The following DNAI4 variants were observed in gnomAD, a reference collection of about 807,000 sequenced individuals.
DNAI4 encodes the protein WD repeat domain 78.
A neutral mutation model predicts 105.8 loss-of-function variants in DNAI4; 85 were observed. The ratio of observed to expected loss-of-function variants is 0.80; its 90% confidence interval spans 0.67 to 0.96. The LOEUF is 0.96. Among genes scored for constraint, DNAI4 ranks in the 40% least tolerant of loss-of-function variants. DNAI4 has a pLI of 0.00. For missense variants in DNAI4, 1,014 were observed against 1,005.6 expected, an observed-to-expected ratio of 1.01 and a Z score of -0.11; for synonymous variants, 352 against 331.5, an observed-to-expected ratio of 1.06 and a Z score of -0.67.
intron 3 of DNAI4, among the ~76,000 whole-genome samples, chr1:66,891,872 T>C (rs1156476024): frequency 6.6e-6 from 1 of 152,216 alleles, no homozygotes; most frequent in Non-Finnish European, 1.5e-5. Flanking sequence ...CCCAGCATAT[T>C]CATCTTCATT....
intron 16 of DNAI4, among the ~76,000 whole-genome samples, chr1:66,819,830 C>T (rs1052719379): frequency 3.9e-5 from 6 of 152,088 alleles, no homozygotes; most frequent in African/African-American, 1.4e-4. Flanking sequence ...CACTCCCAAC[C>T]ACCGCAAATT....
At chr1:66,894,295 C>T (rs1648123638) in intron 2 of DNAI4, among the ~76,000 whole-genome samples, 1 of 152,092 alleles carries the variant, frequency 6.6e-6, no homozygotes, top group African/African-American at 2.4e-5. Flanking sequence ...TACAGTTGAA[C>T]TCTTTTTATA....
rs2985798 is a variant in DNAI4, at chr1:66,880,320, T to C, written c.644-5383A>G. Among the ~76,000 whole-genome samples the C allele has an allele frequency of 8.0e-3, 1,216 of 151,740 alleles. 15 individuals carry two copies. The highest frequency in any genetic ancestry group is 0.028 in the African/African-American group (1,169 of 41,354). On this transcript the variant is annotated intron_variant, in intron 4 of 16. Transcript: ENST00000371026. Reference sequence around the variant, plus strand: ...TTTGGAACTGGATAACAGACAGAGGTTGGAAGAGTTTGGAGGGCTCAGAAG... The same window carrying C: ...TTTGGAACTGGATAACAGACAGAGGCTGGAAGAGTTTGGAGGGCTCAGAAG...
chr1:66,817,024 C>G (rs1465913732), intron 16 of DNAI4, among the ~76,000 whole-genome samples: 1 of 151,726 alleles, frequency 6.6e-6, no homozygotes, highest in Non-Finnish European at 1.5e-5. Flanking sequence ...TGGAAATTTG[C>G]TTTTATCACT....
intron 1 of DNAI4, among the ~76,000 whole-genome samples, chr1:66,910,451 T>A (rs755108056): frequency 6.6e-6 from 1 of 152,212 alleles, no homozygotes; most frequent in East Asian, 1.9e-4. Flanking sequence ...CATTTTCATA[T>A]CAAAGACTTG....
chr1:66,835,816 A>C (rs1185927803), intron 10 of DNAI4, 39 bp from the exon 11 acceptor site: 1 of 1,588,760 alleles, frequency 6.3e-7, no homozygotes, highest in Non-Finnish European at 8.6e-7. Flanking sequence ...TTGTTTTTGT[A>C]GACCACAGTA....
At chr1:66,894,817 A>C (rs774632338) in intron 2 of DNAI4, among the ~76,000 whole-genome samples, 1 of 152,180 alleles carries the variant, frequency 6.6e-6, no homozygotes, top group Non-Finnish European at 1.5e-5. Flanking sequence ...TGTTTTATTA[A>C]GCCTGGTATC....
intron 13 of DNAI4, 111 bp downstream of exon 13, chr1:66,833,474 T>C (rs2100414125): frequency 1.6e-6 from 2 of 1,245,258 alleles, no homozygotes; most frequent in Non-Finnish European, 2.2e-6. Flanking sequence ...TCTAATATAT[T>C]AGGCACAGTA....
At chr1:66,819,910 A>T (rs999282369) in intron 16 of DNAI4, among the ~76,000 whole-genome samples, 21 of 152,034 alleles carry the variant, frequency 1.4e-4, no homozygotes, top group African/African-American at 2.9e-4. Context: ...CTTTTTTTTT[A>T]AAAAAGATGA....
intron 1 of DNAI4, among the ~76,000 whole-genome samples, chr1:66,913,134 T>C (rs1441746332): frequency 1.3e-5 from 2 of 152,168 alleles, no homozygotes; most frequent in East Asian, 1.9e-4. Context: ...GCTTCTAAGA[T>C]GGTAGAAAGC....
intron 15 of DNAI4, among the ~76,000 whole-genome samples, chr1:66,825,096 GTA>G (rs1162970282): frequency 6.6e-6 from 1 of 150,980 alleles, no homozygotes; most frequent in Non-Finnish European, 1.5e-5. Flanking sequence ...ATAGATCTAA[GTA>G]GATACATACA....
chr1:66,904,586 C>G (rs1649094529), intron 2 of DNAI4, among the ~76,000 whole-genome samples: 1 of 152,054 alleles, frequency 6.6e-6, no homozygotes, highest in Non-Finnish European at 1.5e-5. Flanking sequence ...AATATTTTAT[C>G]AAAATATGCT....
chr1:66,828,122 T>C, intron 13 of DNAI4: 1 of 301,246 alleles, frequency 3.3e-6, no homozygotes. Flanking sequence ...AAATATAAAT[T>C]GGTCCTTTGC....
At chr1:66,850,204 G>A (rs558718918) in intron 7 of DNAI4, among the ~76,000 whole-genome samples, 78 of 150,698 alleles carry the variant, frequency 5.2e-4, no homozygotes, top group African/African-American at 1.8e-3. Context: ...TCTTTAGGGG[G>A]AAAATACTTT....
chr1:66,862,506 C>G (rs190949774), intron 6 of DNAI4, among the ~76,000 whole-genome samples: 1 of 152,142 alleles, frequency 6.6e-6, no homozygotes, highest in East Asian at 1.9e-4. Flanking sequence ...TATGATGACA[C>G]CTGAGAATAA....
chr1:66,880,029 G>A (rs180726730), intron 4 of DNAI4, among the ~76,000 whole-genome samples: 3 of 151,424 alleles, frequency 2.0e-5, no homozygotes, highest in Non-Finnish European at 2.9e-5. Context: ...GTCTCACAAG[G>A]TCTGATGGTT....
intron 11 of DNAI4, 130 bp from the exon 12 acceptor site, chr1:66,834,278 A>C: frequency 1.6e-6 from 1 of 629,702 alleles, no homozygotes; most frequent in Admixed American, 4.1e-5. Flanking sequence ...ATTGTTCAAA[A>C]ATAGACTTTT....
intron 7 of DNAI4, among the ~76,000 whole-genome samples, chr1:66,849,904 C>T (rs1223622313): frequency 1.3e-5 from 2 of 151,980 alleles, no homozygotes; most frequent in Non-Finnish European, 2.9e-5. Flanking sequence ...AAAATGAAGA[C>T]TCTCAAAAAC....
intron 9 of DNAI4, 77 bp downstream of exon 9, chr1:66,840,383 CTAAGGAAAA>C: frequency 1.5e-6 from 2 of 1,303,390 alleles, no homozygotes; most frequent in South Asian, 2.5e-5. Flanking sequence ...TGTGCCATAT[CTAAGGAAAA>C]CAATTCTTCA....
Sources: allele counts gnomAD v4.1 joint callset (sites outside exome capture counted in the v4.1 genomes callset), GRCh38; gene constraint gnomAD v4.1.1; transcripts MANE v1.5; gene names NCBI Gene and HGNC (gene_info 2026-07-23, HGNC 2026-07-21).